The following ADGRE5 variants were observed in gnomAD, a reference collection of about 807,000 sequenced individuals.
The protein encoded by ADGRE5 is adhesion G protein-coupled receptor E5, also known as CD97 molecule.
ADGRE5 carries 72 observed loss-of-function variants against 100.3 expected under a neutral mutation model. The observed-to-expected ratio is 0.72, with a 90% confidence interval of 0.59 to 0.87. The LOEUF is 0.87. ADGRE5 is among the 40% of genes least tolerant of loss of function. The pLI, the probability that ADGRE5 is intolerant of heterozygous loss-of-function variation, is 0.00. For synonymous variants in ADGRE5, 439 were observed against 447.8 expected, an observed-to-expected ratio of 0.98 and a Z score of 0.25; for missense variants, 959 against 1,094.7, an observed-to-expected ratio of 0.88 and a Z score of 1.75.
intron 13 of ADGRE5, chr19:14,405,522 G>C (rs1976189910): frequency 2.0e-6 from 1 of 503,762 alleles, no homozygotes; most frequent in Non-Finnish European, 3.5e-6. Context: ...AATTAACCAG[G>C]CAGAGAAGGG....
At chr19:14,399,109 C>T (rs1015704200) in intron 9 of ADGRE5, among the ~76,000 whole-genome samples, 1 of 151,420 alleles carries the variant, frequency 6.6e-6, no homozygotes, top group African/African-American at 2.4e-5. Flanking sequence ...GGCCTCCCAA[C>T]ATGCTGGGAT....
rs1976373382 is a variant in ADGRE5, at chr19:14,408,338, T to G, written c.*217T>G. The G allele has an allele frequency of 1.6e-6, 1 of 634,966 alleles. No individual in the cohort carries two copies. The highest frequency in any genetic ancestry group is 1.8e-5 in the African/African-American group (1 of 55,306). The allele number at this position is 634,966 out of a possible 1,614,324, so 39.3% of individuals were successfully genotyped here. On this transcript the variant is annotated 3_prime_UTR_variant, in exon 20 of 20. Coordinates refer to ENST00000242786, the MANE Select transcript of ADGRE5 (RefSeq NM_078481.4). ...GCCACTGGTCCTGCTGCTGGCTGCC[T>G]CTCTGCTCCACCTTGTGACCCAGGG...
intron 9 of ADGRE5, among the ~76,000 whole-genome samples, chr19:14,399,521 G>A (rs1276604433): frequency 3.3e-5 from 4 of 121,260 alleles, no homozygotes; most frequent in Admixed American, 1.1e-4. Context: ...CCGAGATCCC[G>A]CCACTGCACT....
rs1305673948 is a variant in ADGRE5 at position 14,406,370 on chromosome 19, T to C, written c.1861T>C (p.Tyr621His). ...CCGCCTGGTGGCCGGGCTGCTGCACTACTGTTTCCTGGCCGCCTTCTGCTG... is the reference window on the plus strand; with the variant it reads ...CCGCCTGGTGGCCGGGCTGCTGCACCACTGTTTCCTGGCCGCCTTCTGCTG... The part of the protein sequence containing the change: ...RCRLVAGLLH[Y>H]CFLAAFCWMS... The change falls in exon 15 of 20, where the codon TAC becomes CAC. Residue 621 changes from tyrosine to histidine, a missense_variant. Tyr to His is a moderately conservative substitution (Grantham distance 83). Transcript: ENST00000242786. This position sits in a 1 kb window ranked among gnomAD's most constrained non-coding sequence, Gnocchi z 6.0. The C allele has an allele frequency of 1.3e-6, 2 of 1,585,594 alleles. No individual in the cohort carries two copies. The highest frequency in any genetic ancestry group is 1.7e-6 in the Non-Finnish European group (2 of 1,167,224).
At chr19:14,386,117 G>T (rs1975338801) in intron 1 of ADGRE5, among the ~76,000 whole-genome samples, 1 of 151,928 alleles carries the variant, frequency 6.6e-6, no homozygotes, top group African/African-American at 2.4e-5. Flanking sequence ...GGCAGGGCCT[G>T]GCGGCTTGTG....
Position 14,406,304 on chromosome 19 carries a change from C to T in ADGRE5, c.1822-27C>T. The T allele has an allele frequency of 1.3e-6, 2 of 1,518,656 alleles. No homozygotes were observed. The highest frequency in any genetic ancestry group is 1.8e-6 in the Non-Finnish European group (2 of 1,129,804). The allele number at this position is 1,518,656 out of a possible 1,614,324, so 94.1% of individuals were successfully genotyped here. On this transcript the variant is annotated intron_variant, in intron 14 of 19. Coordinates refer to ENST00000242786, the MANE Select transcript of ADGRE5 (RefSeq NM_078481.4). This position sits in a 1 kb window ranked among gnomAD's most constrained non-coding sequence, Gnocchi z 6.0. ...CATGCCCCTCCCCGCGCTGACGTCG[C>T]TCCGCCCCTCCGTCCCCGCCCCGCA...
chr19:14,401,370 ACC>A lies in ADGRE5; in HGVS notation c.898-14_898-13del, dbSNP rs1365269085. 2 of 1,611,530 alleles carry A rather than the reference ACC, an allele frequency of 1.2e-6. No individual in the cohort carries two copies. The highest frequency in any genetic ancestry group is 3.4e-5 in the Admixed American group (2 of 59,678). The stretch of plus-strand genomic sequence containing the variant: ...GGTCTGATGCTCCAGCGATTCTGTC[ACC>A]CGCCACCCCCTAGAATGTCATCAAA... On this transcript the variant is annotated splice_polypyrimidine_tract_variant and intron_variant, in intron 9 of 19. Transcript: ENST00000242786. The surrounding 1 kb of genome is among the most constrained non-coding windows in gnomAD (Gnocchi z 4.1).
chr19:14,393,362 C>T (rs1443627196), intron 4 of ADGRE5, among the ~76,000 whole-genome samples: 2 of 152,224 alleles, frequency 1.3e-5, no homozygotes, highest in African/African-American at 4.8e-5. Flanking sequence ...TACCCCTGCG[C>T]AGAGGCCACA....
At position 14,406,441 on chromosome 19, in the gene ADGRE5, G is replaced by A. The variant is rs775715718; in HGVS notation, c.1932G>A (p.Val644=). Residue 644 remains valine (V), a synonymous_variant, in exon 15 of 20, where the codon GTG becomes GTA. Transcript: ENST00000242786. This position sits in a 1 kb window ranked among gnomAD's most constrained non-coding sequence, Gnocchi z 6.0. ...GLELYFLVVR[V]FQGQGLSTRW... is the part of the protein sequence containing the mutation. ...AGCTCTACTTTCTTGTGGTGCGCGT[G>A]TTCCAAGGCCAGGGCCTGAGTACGC... The A allele has an allele frequency of 3.3e-5, 52 of 1,584,810 alleles. No homozygotes were observed. Among genetic ancestry groups the A allele is most frequent in the Non-Finnish European group, 4.2e-5 (49 of 1,165,922 alleles).
At chr19:14,402,936 G>A in intron 12 of ADGRE5, 74 bp downstream of exon 12, 1 of 1,463,586 alleles carries the variant, frequency 6.8e-7, no homozygotes. Context: ...TCTCTGGGAT[G>A]CTCTTTCCCG....
intron 4 of ADGRE5, among the ~76,000 whole-genome samples, chr19:14,393,346 A>T (rs1975667249): frequency 6.6e-6 from 1 of 152,208 alleles, no homozygotes; most frequent in African/African-American, 2.4e-5. Context: ...AGCAGCTGCA[A>T]GGCTCTACCC....
intron 1 of ADGRE5, among the ~76,000 whole-genome samples, chr19:14,387,254 T>A (rs1206263232): frequency 6.6e-6 from 1 of 151,862 alleles, no homozygotes; most frequent in African/African-American, 2.4e-5. Context: ...ACACCCCAGG[T>A]CAGAAGAGCA....
intron 13 of ADGRE5, chr19:14,404,869 T>C (rs1976161187): frequency 3.3e-6 from 1 of 305,404 alleles, no homozygotes; most frequent in South Asian, 4.5e-5. Context: ...CTTGCCCGTT[T>C]TTTTTTTTTT....
Position 14,402,821 on chromosome 19 carries a change from G to T in ADGRE5, c.1408G>T (p.Glu470Ter). Residue 470 changes from glutamate (E) to a stop codon, truncating the protein, a stop_gained, in exon 12 of 20, where the codon GAG (glutamate) becomes TAG (stop). Coordinates refer to ENST00000242786, the MANE Select transcript of ADGRE5 (RefSeq NM_078481.4). LOFTEE classifies it high-confidence loss of function. Reference protein sequence around the residue: ...SPILFAFSHLESSDGEAGRDP... With the variant: ...SPILFAFSHL Reference sequence around the variant, plus strand: ...CATCCTTTTCGCCTTCTCCCACCTTGAGTCCTCCGATGGGGAGGCGGGAAG... The same window carrying T: ...CATCCTTTTCGCCTTCTCCCACCTTTAGTCCTCCGATGGGGAGGCGGGAAG... The T allele has an allele frequency of 6.2e-7, 1 of 1,613,930 alleles. No homozygotes were observed. Among genetic ancestry groups the T allele is most frequent in the East Asian group, 2.2e-5 (1 of 44,864 alleles).
At chr19:14,393,347 G>T (rs1190238211) in intron 4 of ADGRE5, among the ~76,000 whole-genome samples, 2 of 152,214 alleles carry the variant, frequency 1.3e-5, no homozygotes, top group Non-Finnish European at 2.9e-5. Context: ...GCAGCTGCAA[G>T]GCTCTACCCC....
rs891090261 is a variant in ADGRE5 at position 14,406,224 on chromosome 19, C to G, written c.1822-107C>G. 2.5e-5 allele frequency: 23 copies of G among 916,470 alleles called. No individual in the cohort carries two copies. Among genetic ancestry groups the G allele is most frequent in the African/African-American group, 2.5e-4 (15 of 59,882 alleles). The allele number at this position is 916,470 out of a possible 1,614,324, so 56.8% of individuals were successfully genotyped here. A position where few individuals can be genotyped will look rare whatever the true frequency, so the allele number is the denominator to read the frequency against. On this transcript the variant is annotated intron_variant, in intron 14 of 19. Transcript: ENST00000242786. The surrounding 1 kb of genome is among the most constrained non-coding windows in gnomAD (Gnocchi z 6.0). ...CCCCCGCTCCAGACCCGCCCACCCT[C>G]CGGCTGTGGTCCCGCCCACTCTCGG...
At position 14,404,424 on chromosome 19, in the gene ADGRE5, C is replaced by G. The variant is rs1216754614; in HGVS notation, c.1491C>G (p.Phe497Leu). ...CACGGCAGGAGCTGCTCTGTGCCTT[C>G]TGGAAGAGTGACAGCGACAGGGGAG... Reference protein sequence around the residue: ...PGPRQELLCAFWKSDSDRGGH... With the variant: ...PGPRQELLCALWKSDSDRGGH... Residue 497 changes from phenylalanine (F) to leucine (L), a missense_variant, in exon 13 of 20, where the codon TTC becomes TTG. Phe to Leu is a conservative substitution (Grantham distance 22). This residue lies in a region of ADGRE5 where 246 missense variants were observed against 242.2 expected (regional missense o/e 1.02). Coordinates refer to ENST00000242786, the MANE Select transcript of ADGRE5 (RefSeq NM_078481.4). 22 of 1,611,932 alleles carry G rather than the reference C, an allele frequency of 1.4e-5. No homozygotes were observed. The highest frequency in any genetic ancestry group is 1.9e-5 in the Non-Finnish European group (22 of 1,179,800).
Position 14,402,832 on chromosome 19 carries a change from T to A in ADGRE5, c.1419T>A (p.Asp473Glu). The change falls in exon 12 of 20, where the codon GAT becomes GAA. Residue 473 changes from aspartate (D) to glutamate (E), a missense_variant. Transcript: ENST00000242786. ...CCTTCTCCCACCTTGAGTCCTCCGA[T>A]GGGGAGGCGGGAAGAGACCCTCCTG... ...LFAFSHLESS[D>E]GEAGRDPPAK... is the part of the protein sequence containing the mutation. 3 of 1,613,964 alleles carry A rather than the reference T, an allele frequency of 1.9e-6. No homozygotes were observed. Among genetic ancestry groups the A allele is most frequent in the Non-Finnish European group, 1.7e-6 (2 of 1,179,992 alleles).
rs1405567876 is a variant in ADGRE5 at position 14,408,095 on chromosome 19, CTCAGGGCA to C, written c.2487_2494del (p.Ala830ValfsTer54). On this transcript the variant is annotated frameshift_variant, in exon 20 of 20. Coordinates refer to ENST00000242786, the MANE Select transcript of ADGRE5 (RefSeq NM_078481.4). LOFTEE classifies it high-confidence loss of function. ...GCCTCTGGGCTCTCCTCTCCAGGCC[CTCAGGGCA>C]TCAGAGTCCGGCATATGAAGGCGCA... 6.2e-7 allele frequency: 1 copy of C among 1,613,868 alleles called. No homozygotes were observed. Among genetic ancestry groups the C allele is most frequent in the Admixed American group, 1.7e-5 (1 of 60,014 alleles).
Sources: gnomAD v4.1 joint callset for allele counts (sites outside exome capture counted in the v4.1 genomes callset) on GRCh38, gnomAD v4.1.1 for gene constraint, gnomAD v4.1.1 regional missense constraint, Gnocchi (gnomAD v3.1) non-coding constraint, MANE v1.5 for transcripts, NCBI Gene and HGNC (gene_info 2026-07-23, HGNC 2026-07-21) for gene names.